MIPEP: variants seen among roughly 807,000 people sequenced by gnomAD.
MIPEP encodes the protein mitochondrial intermediate peptidase.
MIPEP carries 79 observed loss-of-function variants against 90.3 expected under a neutral mutation model. The ratio of observed to expected loss-of-function variants is 0.87; its 90% CI spans 0.73 to 1.05. The LOEUF is 1.05. Ranked by LOEUF, MIPEP falls within the 50% of genes least tolerant of loss-of-function variation. MIPEP has a pLI of 0.00. For missense variants in MIPEP, 940 were observed against 905.6 expected, an observed-to-expected ratio of 1.04 and a Z score of -0.49; for synonymous variants, 334 against 315.8, an observed-to-expected ratio of 1.06 and a Z score of -0.61.
chr13:23,886,900 T>C (rs1871509108), intron 1 of MIPEP, among the ~76,000 whole-genome samples: 1 of 151,980 alleles, frequency 6.6e-6, no homozygotes, highest in Non-Finnish European at 1.5e-5. Context: ...CCATAATTAT[T>C]ATTAGCTTAT....
intron 16 of MIPEP, among the ~76,000 whole-genome samples, chr13:23,784,852 A>G (rs973055790): frequency 6.6e-5 from 10 of 152,242 alleles, no homozygotes; most frequent in Non-Finnish European, 1.0e-4. Flanking sequence ...ACTTCTCAAA[A>G]GAAGACATTT....
At chr13:23,747,981 A>G (rs913707490) in intron 18 of MIPEP, among the ~76,000 whole-genome samples, 1 of 152,076 alleles carries the variant, frequency 6.6e-6, no homozygotes, top group Admixed American at 6.6e-5. Flanking sequence ...CCTTGTGATC[A>G]GCCCGCCTCG....
At chr13:23,744,351 T>C (rs745937921) in intron 18 of MIPEP, among the ~76,000 whole-genome samples, 7 of 152,176 alleles carry the variant, frequency 4.6e-5, no homozygotes, top group Non-Finnish European at 8.8e-5. Flanking sequence ...GGCAACTCAG[T>C]TGCCAAAAAT....
intron 16 of MIPEP, 35 bp downstream of exon 16, chr13:23,805,915 C>T: frequency 1.9e-6 from 3 of 1,608,938 alleles, no homozygotes; most frequent in Non-Finnish European, 2.5e-6. Flanking sequence ...CAGAACCACT[C>T]AATACACAAA....
chr13:23,831,322 A>AGAG (rs1868724487), intron 14 of MIPEP, among the ~76,000 whole-genome samples: 1 of 143,622 alleles, frequency 7.0e-6, no homozygotes, highest in Non-Finnish European at 1.5e-5. Context: ...GAGAGAAAGA[A>AGAG]GAGGAAAACT....
At position 23,746,989 on chromosome 13, in the gene MIPEP, G is replaced by A. The variant is rs116286035; in HGVS notation, c.2044+9556C>T. 7.0e-3 allele frequency among the ~76,000 whole-genome samples: 1,062 copies of A among 152,234 alleles called. 13 individuals are homozygous for A. Among genetic ancestry groups the A allele is most frequent in the African/African-American group, 0.024 (986 of 41,524 alleles). Reference sequence around the variant, plus strand: ...ACAAGCACTACCCACCAAAAGTAACGGTGACAAAACAGAAGTTGAAGAAGA... The same window carrying A: ...ACAAGCACTACCCACCAAAAGTAACAGTGACAAAACAGAAGTTGAAGAAGA... On this transcript the variant is annotated intron_variant, in intron 18 of 18. Coordinates refer to ENST00000382172, the MANE Select transcript of MIPEP (RefSeq NM_005932.4).
At chr13:23,809,949 T>C (rs1280504420) in intron 14 of MIPEP, 25 bp from the exon 15 acceptor site, 2 of 1,519,190 alleles carry the variant, frequency 1.3e-6, no homozygotes, top group Non-Finnish European at 1.8e-6. Flanking sequence ...AGAATATATA[T>C]GTGAGTAAAC....
chr13:23,884,120 G>A (rs570777121), intron 2 of MIPEP, among the ~76,000 whole-genome samples: 11 of 152,180 alleles, frequency 7.2e-5, no homozygotes, highest in Admixed American at 5.2e-4. Context: ...GGTGAAAGAA[G>A]TCAGTCAAAG....
chr13:23,748,902 C>T (rs1952410603), intron 18 of MIPEP, among the ~76,000 whole-genome samples: 1 of 152,078 alleles, frequency 6.6e-6, no homozygotes, highest in African/African-American at 2.4e-5. Context: ...CCTTGAAATC[C>T]CTTATTAAAA....
At chr13:23,749,252 C>T (rs1056677029) in intron 18 of MIPEP, among the ~76,000 whole-genome samples, 1 of 152,164 alleles carries the variant, frequency 6.6e-6, no homozygotes, top group Non-Finnish European at 1.5e-5. Flanking sequence ...TGCTGACAGA[C>T]AGGACTTATT....
chr13:23,876,047 C>A (rs1871059230), intron 4 of MIPEP, among the ~76,000 whole-genome samples: 1 of 152,112 alleles, frequency 6.6e-6, no homozygotes, highest in Admixed American at 6.5e-5. Context: ...AATAAAAATC[C>A]TTGTTACAGT....
intron 3 of MIPEP, among the ~76,000 whole-genome samples, chr13:23,880,899 T>C (rs538675654): frequency 2.0e-5 from 3 of 152,268 alleles, no homozygotes; most frequent in East Asian, 3.9e-4. Flanking sequence ...AATTGTCTTA[T>C]CGTGTTACCC....
intron 7 of MIPEP, among the ~76,000 whole-genome samples, chr13:23,867,257 T>G (rs977243141): frequency 2.0e-5 from 3 of 152,132 alleles, no homozygotes; most frequent in African/African-American, 7.2e-5. Flanking sequence ...TTGCACACGC[T>G]GCGCTTCAGC....
chr13:23,865,738 C>T (rs1870504507), intron 7 of MIPEP, among the ~76,000 whole-genome samples: 1 of 150,618 alleles, frequency 6.6e-6, no homozygotes, highest in Admixed American at 6.6e-5. Flanking sequence ...AGTCCCATCT[C>T]GGCTCACTGC....
chr13:23,832,674 C>T (rs1249275616), intron 14 of MIPEP, among the ~76,000 whole-genome samples: 2 of 152,288 alleles, frequency 1.3e-5, no homozygotes, highest in South Asian at 2.1e-4. Context: ...TTAGGCACCA[C>T]AGCTCCACTA....
At chr13:23,865,459 T>A (rs904119169) in intron 7 of MIPEP, among the ~76,000 whole-genome samples, 1 of 152,208 alleles carries the variant, frequency 6.6e-6, no homozygotes, top group African/African-American at 2.4e-5. Flanking sequence ...ATGTGCCATA[T>A]GAAACAACAA....
At chr13:23,739,389 A>G (rs1952301260) in intron 18 of MIPEP, among the ~76,000 whole-genome samples, 1 of 152,256 alleles carries the variant, frequency 6.6e-6, no homozygotes. Context: ...TGTTTTGATT[A>G]CTAGGAACAT....
chr13:23,809,007 C>A (rs1388852224), intron 15 of MIPEP, among the ~76,000 whole-genome samples: 1 of 152,184 alleles, frequency 6.6e-6, no homozygotes, highest in South Asian at 2.1e-4. Flanking sequence ...ACATAACTCT[C>A]AAGATCTGAA....
intron 16 of MIPEP, among the ~76,000 whole-genome samples, chr13:23,796,867 A>G (rs79419978): frequency 6.6e-6 from 1 of 152,344 alleles, no homozygotes; most frequent in African/African-American, 2.4e-5. Flanking sequence ...AAGCAATCTT[A>G]ACATGGGAAG....
Sources: allele counts gnomAD v4.1 joint callset (sites outside exome capture counted in the v4.1 genomes callset), GRCh38; gene constraint gnomAD v4.1.1; transcripts MANE v1.5; gene names NCBI Gene and HGNC (gene_info 2026-07-23, HGNC 2026-07-21).